POTEI: variants seen among roughly 807,000 people sequenced by gnomAD.
The protein encoded by POTEI is POTE ankyrin domain family, member I.
A neutral mutation model predicts 43.4 loss-of-function variants in POTEI; 14 were observed. The observed-to-expected ratio is 0.32, with a 90% CI of 0.21 to 0.50. POTEI has a LOEUF of 0.50. POTEI is among the 20% of genes least tolerant of loss of function. The probability of loss-of-function intolerance (pLI) is 0.98; values close to 1 mark genes in which losing one functional copy is unlikely to be tolerated. For missense variants in POTEI, 235 were observed against 795.4 expected (o/e 0.30, Z 8.47); for synonymous variants, 95 against 297.9 (o/e 0.32, Z 7.01).
In POTEI at chr2:130,461,474, G is replaced by C. The variant is rs2969459; in HGVS notation, c.*1342C>G. 145 of 151,850 alleles carry C rather than the reference G, an allele frequency of 9.5e-4. 1 individual carries two copies. The highest frequency in any genetic ancestry group is 3.4e-3 in the African/African-American group (140 of 41,038). The allele number at this position is 151,850 out of a possible 1,614,324, so 9.4% of individuals were successfully genotyped here. A position where few individuals can be genotyped will look rare whatever the true frequency, so the allele number is the denominator to read the frequency against. On this transcript the variant is annotated 3_prime_UTR_variant, in exon 15 of 15. Transcript: ENST00000451531. ...GTAAACAAGAGTCTGGCCACGTTTT[G>C]GTAGCGTGGCTGTGCTGTGCTGAGG...
rs760982094 is a variant in POTEI, at chr2:130,508,942, C to G, written c.294G>C (p.Met98Ile). The change falls in exon 1 of 15, where the codon ATG becomes ATC. Residue 98 changes from methionine (M) to isoleucine (I), a missense_variant. Met to Ile is a conservative substitution (Grantham distance 10). Transcript: ENST00000451531. ...GGAAGCAGTGGCAGCACCACTTGCCCATCTTGCTCCTGAGCGTCTTCATAG... is the reference window on the plus strand; with the variant it reads ...GGAAGCAGTGGCAGCACCACTTGCCGATCTTGCTCCTGAGCGTCTTCATAG... ...DSAMKTLRSK[M>I]GKWCCHCFPC... is the part of the protein sequence containing the mutation. The G allele has an allele frequency of 3.1e-6, 5 of 1,589,220 alleles. No homozygotes were observed. Among genetic ancestry groups the G allele is most frequent in the Non-Finnish European group, 4.3e-6 (5 of 1,169,976 alleles).
chr2:130,498,017 G>A (rs1180677600), intron 5 of POTEI, among the ~76,000 whole-genome samples: 5 of 141,066 alleles, frequency 3.5e-5, no homozygotes, highest in East Asian at 2.1e-4. Context: ...TAGCTTCCAC[G>A]ATTTTCATTA....
At chr2:130,488,602 T>C (rs1318387859) in intron 8 of POTEI, among the ~76,000 whole-genome samples, 2 of 128,368 alleles carry the variant, frequency 1.6e-5, no homozygotes, top group Non-Finnish European at 3.3e-5. Context: ...AGATTTTACA[T>C]TAAACAGTCA....
At chr2:130,481,524 A>G (rs4355132) in intron 10 of POTEI, among the ~76,000 whole-genome samples, 973 of 2,108 alleles carry the variant, frequency 0.46, 425 homozygotes, top group Admixed American at 0.74. Context: ...GAGGAGGTGC[A>G]CAGCAGGCAA....
At chr2:130,493,276 C>T (rs1244269722) in intron 6 of POTEI, among the ~76,000 whole-genome samples, 3 of 79,948 alleles carry the variant, frequency 3.8e-5, no homozygotes, top group South Asian at 7.1e-4. Flanking sequence ...GGAACAACTC[C>T]GATATTCATC....
Position 130,463,151 on chromosome 2 carries a change from A to G in POTEI, c.2893T>C (p.Cys965Arg). 3 of 1,519,826 alleles carry G rather than the reference A, an allele frequency of 2.0e-6. No individual in the cohort carries two copies. Among genetic ancestry groups the G allele is most frequent in the Non-Finnish European group, 2.6e-6 (3 of 1,140,936 alleles). 94.1% of individuals were successfully genotyped at this position (1,519,826 alleles called of 1,614,324 possible). ...CCACAGGATTCCATGCCCAGGAAGC[A>G]AGGCTGGAAGAGCGCCTCGGGGCAG... ...FRCPEALFQP[C>R]FLGMESCGIH... The change falls in exon 15 of 15, where the codon TGC becomes CGC. Residue 965 changes from cysteine (C) to arginine (R), a missense_variant. Cys to Arg is a radical substitution (Grantham distance 180). Transcript: ENST00000451531.
chr2:130,507,447 G>T (rs1333196583), intron 1 of POTEI, among the ~76,000 whole-genome samples: 7 of 95,280 alleles, frequency 7.3e-5, no homozygotes, highest in African/African-American at 1.8e-4. Context: ...TATATAAATA[G>T]GCATTTATAT....
intron 10 of POTEI, among the ~76,000 whole-genome samples, chr2:130,477,078 T>G (rs1228436643): frequency 6.6e-6 from 1 of 150,700 alleles, no homozygotes; most frequent in Non-Finnish European, 1.5e-5. Flanking sequence ...CTGACACCTT[T>G]ATTAGTGTAC....
intron 13 of POTEI, among the ~76,000 whole-genome samples, chr2:130,467,321 C>T: frequency 1.1e-5 from 1 of 89,526 alleles, no homozygotes; most frequent in Non-Finnish European, 2.3e-5. Flanking sequence ...AAAACAGATA[C>T]ATAGATCAAT....
chr2:130,477,769 C>G (rs1683255480), intron 10 of POTEI, among the ~76,000 whole-genome samples: 1 of 141,874 alleles, frequency 7.0e-6, no homozygotes, highest in Admixed American at 7.0e-5. Flanking sequence ...TTCTAGAACA[C>G]ATGCCCAAGC....
rs1443321804 is a variant in POTEI, at chr2:130,507,457, T to A, written c.521+1258A>T. Among the ~76,000 whole-genome samples the A allele has an allele frequency of 5.0e-5, 5 of 100,874 alleles. 1 individual carries two copies. The highest frequency in any genetic ancestry group is 2.1e-4 in the African/African-American group (5 of 23,992). The allele number at this position is 100,874 out of a possible 152,430, so 66.2% of individuals were successfully genotyped here. ...CTGCGTATATAAATAGGCATTTATA[T>A]TTTTTCTGGTATGTTTCTCCTTTTG... is the stretch of plus-strand genomic sequence containing the variant. On this transcript the variant is annotated intron_variant, in intron 1 of 14. Coordinates refer to ENST00000451531, the MANE Select transcript of POTEI (RefSeq NM_001277406.2).
At chr2:130,464,647 A>C (rs2246830) in intron 14 of POTEI, among the ~76,000 whole-genome samples, 1 of 151,368 alleles carries the variant, frequency 6.6e-6, no homozygotes, top group Non-Finnish European at 1.5e-5. Context: ...ACTGAAGAAC[A>C]TTTTACCGAT....
At chr2:130,507,272 G>GT (rs1491586938) in intron 1 of POTEI, among the ~76,000 whole-genome samples, 1 of 11,500 alleles carries the variant, frequency 8.7e-5, no homozygotes, top group African/African-American at 2.3e-4. Context: ...AAAAAAAAAA[G>GT]GATATATATA....
rs1337419639 is a variant in POTEI at position 130,467,671 on chromosome 2, A to T, written c.1779-1899T>A. On this transcript the variant is annotated intron_variant, in intron 13 of 14. Coordinates refer to ENST00000451531, the MANE Select transcript of POTEI (RefSeq NM_001277406.2). The stretch of plus-strand genomic sequence containing the variant: ...CAGCACAGCAAAAGAAATAATCATC[A>T]AACAACAACTTATACAATGGGAAAA... Among the ~76,000 whole-genome samples, 3 of 152,136 alleles carry T rather than the reference A, an allele frequency of 2.0e-5. No individual in the cohort carries two copies. The East Asian group carries it at 5.8e-4, about 29-fold the overall frequency.
Position 130,463,635 on chromosome 2 carries a change from G to T in POTEI, c.2409C>A (p.Ile803=), listed in dbSNP as rs1241595940. ...ELRVAPEEHP[I]LLTEAPLNPK... ...GGTTCAGGGGGGCCTCGGTCAGCAG[G>T]ATGGGGTGCTCCTCAGGGGCCACAC... Residue 803 remains isoleucine (I), a synonymous_variant, in exon 15 of 15, where the codon ATC becomes ATA. Transcript: ENST00000451531. The T allele has an allele frequency of 6.2e-7, 1 of 1,607,330 alleles. No individual in the cohort carries two copies. Among genetic ancestry groups the T allele is most frequent in the East Asian group, 2.3e-5 (1 of 42,976 alleles).
intron 10 of POTEI, among the ~76,000 whole-genome samples, chr2:130,480,027 TC>T (rs201590609): frequency 1.8e-4 from 9 of 50,844 alleles, no homozygotes; most frequent in Non-Finnish European, 1.9e-4. Context: ...CTAAGTTTTC[TC>T]CCTGTTTAAA....
Position 130,461,591 on chromosome 2 carries a change from T to G in POTEI, c.*1225A>C, listed in dbSNP as rs1302840505. The G allele has an allele frequency of 2.0e-5, 3 of 151,832 alleles. No individual in the cohort carries two copies. Among genetic ancestry groups the G allele is most frequent in the Admixed American group, 2.0e-4 (3 of 15,272 alleles). 9.4% of individuals were successfully genotyped at this position (151,832 alleles called of 1,614,324 possible). ...AAGAGCAAAGGTGGGGGCCTGCCCC[T>G]CTCCGGGAGCTCTGTCCCAGGAACA... On this transcript the variant is annotated 3_prime_UTR_variant, in exon 15 of 15. Coordinates refer to ENST00000451531, the MANE Select transcript of POTEI (RefSeq NM_001277406.2).
In POTEI at chr2:130,507,301, TATATATATATATATATACACACAC is replaced by T. The variant is rs1558895818; in HGVS notation, c.521+1390_521+1413del. Among the ~76,000 whole-genome samples the T allele has an allele frequency of 7.5e-4, 8 of 10,660 alleles. 1 individual carries two copies. The highest frequency in any genetic ancestry group is 9.0e-4 in the African/African-American group (8 of 8,882). The allele number at this position is 10,660 out of a possible 152,430, so 7.0% of individuals were successfully genotyped here. On this transcript the variant is annotated intron_variant, in intron 1 of 14. Coordinates refer to ENST00000451531, the MANE Select transcript of POTEI (RefSeq NM_001277406.2). Reference sequence around the variant, plus strand: ...ATATATATATATATATATATATATATATATATATATATATATACACACACACACACACACACATATATATGTATA... The same window carrying T: ...ATATATATATATATATATATATATATACACACACACACATATATATGTATA...
chr2:130,467,851 C>A (rs1172328623), intron 13 of POTEI, among the ~76,000 whole-genome samples: 28 of 141,128 alleles, frequency 2.0e-4, no homozygotes, highest in Non-Finnish European at 3.9e-4. Context: ...GGTAAACAAG[C>A]ATATAAAAAC....
Sources: gnomAD v4.1 joint callset for allele counts (sites outside exome capture counted in the v4.1 genomes callset) on GRCh38, gnomAD v4.1.1 for gene constraint, MANE v1.5 for transcripts, NCBI Gene and HGNC (gene_info 2026-07-23, HGNC 2026-07-21) for gene names.